The following TBC1D8 variants were observed in gnomAD, a reference collection of about 807,000 sequenced individuals.
TBC1D8 encodes BUB2-like protein 1.
A neutral mutation model predicts 118.8 loss-of-function variants in TBC1D8; 65 were observed. The observed-to-expected ratio is 0.55, with a 90% CI of 0.45 to 0.67. The LOEUF is 0.67. Ranked by LOEUF, TBC1D8 falls within the 30% of genes least tolerant of loss-of-function variation. The pLI, the probability that TBC1D8 is intolerant of heterozygous loss-of-function variation, is 0.00. For missense variants in TBC1D8, 1,376 were observed against 1,471.2 expected (o/e 0.94, Z 1.06); for synonymous variants, 566 against 595.8 (o/e 0.95, Z 0.73).
chr2:101,022,472 G>A lies in TBC1D8; in HGVS notation c.2570C>T (p.Ser857Leu), dbSNP rs529256836. ...CYWEQPRPMA[S>L]RHDPSRPYAE... Reference sequence around the variant, plus strand: ...ATAGGGCCGGCTGGGGTCGTGGCGTGAGGCCATGGGCCTGGGCTGCTCCCA... The same window carrying A: ...ATAGGGCCGGCTGGGGTCGTGGCGTAAGGCCATGGGCCTGGGCTGCTCCCA... The change falls in exon 16 of 20, where the codon TCA (serine) becomes TTA (leucine). Residue 857 changes from serine (S) to leucine (L), a missense_variant. By Grantham distance (145) the Ser-to-Leu change is moderately radical (BLOSUM62 -2). Coordinates refer to ENST00000409318, the MANE Select transcript of TBC1D8 (RefSeq NM_001330348.2). 8.3e-5 allele frequency: 134 copies of A among 1,607,524 alleles called. No individual in the cohort carries two copies. The East Asian group carries it at 2.8e-3, about 33-fold the overall frequency.
chr2:101,129,616 G>A (rs1678499548), intron 1 of TBC1D8, among the ~76,000 whole-genome samples: 1 of 152,070 alleles, frequency 6.6e-6, no homozygotes, highest in African/African-American at 2.4e-5. Context: ...TTGCTAGAAA[G>A]GGCTAGCCCA....
chr2:101,089,924 T>A (rs201797330), intron 2 of TBC1D8, among the ~76,000 whole-genome samples: 2,222 of 115,984 alleles, frequency 0.019, 59 homozygotes, highest in African/African-American at 0.057. Flanking sequence ...TCGATGGTTT[T>A]TAAAAAAAAA....
chr2:101,107,454 A>AT (rs1461513120), intron 1 of TBC1D8, among the ~76,000 whole-genome samples: 4 of 152,116 alleles, frequency 2.6e-5, no homozygotes, highest in Non-Finnish European at 4.4e-5. Flanking sequence ...GAAAAAAAAA[A>AT]GGCAGAGGAA....
intron 1 of TBC1D8, among the ~76,000 whole-genome samples, chr2:101,123,943 CAG>C (rs1259929122): frequency 6.6e-6 from 1 of 152,112 alleles, no homozygotes; most frequent in East Asian, 1.9e-4. Flanking sequence ...TGAAACTCAC[CAG>C]AGTTTTATTA....
intron 7 of TBC1D8, 22 bp downstream of exon 7, chr2:101,038,439 T>A (rs1438790711): frequency 6.2e-7 from 1 of 1,605,246 alleles, no homozygotes; most frequent in South Asian, 1.1e-5. Flanking sequence ...AAGGGGATCA[T>A]CAGGGTCTGG....
At chr2:101,089,882 A>G (rs1004361520) in intron 2 of TBC1D8, among the ~76,000 whole-genome samples, 3 of 150,060 alleles carry the variant, frequency 2.0e-5, no homozygotes, top group Admixed American at 6.7e-5. Context: ...TGCCCAAGCT[A>G]TGCTGCCCAA....
At chr2:101,054,667 CTTTTCTT>C (rs1682294323) in intron 3 of TBC1D8, among the ~76,000 whole-genome samples, 2 of 21,306 alleles carry the variant, frequency 9.4e-5, no homozygotes, top group Non-Finnish European at 1.8e-4. Context: ...ATTTTCTTTT[CTTTTCTT>C]TTTTTTTTTT....
intron 10 of TBC1D8, 149 bp from the exon 11 acceptor site, chr2:101,032,534 G>T: frequency 1.6e-6 from 1 of 625,326 alleles, no homozygotes; most frequent in Non-Finnish European, 2.8e-6. Context: ...ACTGTACAGT[G>T]GAATGACCGT....
chr2:101,115,913 G>A (rs1677797868), intron 1 of TBC1D8, among the ~76,000 whole-genome samples: 4 of 152,160 alleles, frequency 2.6e-5, no homozygotes, highest in African/African-American at 9.7e-5. Context: ...CAGCCACCAG[G>A]AGAAATGGGG....
In TBC1D8 at chr2:101,090,330, A is replaced by C; in HGVS notation, c.162T>G (p.Asp54Glu). The C allele has an allele frequency of 1.2e-6, 2 of 1,614,018 alleles. No individual in the cohort carries two copies. Among genetic ancestry groups the C allele is most frequent in the Non-Finnish European group, 1.7e-6 (2 of 1,179,886 alleles). ...RLVGALDAVL[D>E]SNARVAPFRI... ...GAAATGGAGCGACCCGTGCATTGGAATCCAACACTGCATCCAGAGCGCCGA... is the reference window on the plus strand; with the variant it reads ...GAAATGGAGCGACCCGTGCATTGGACTCCAACACTGCATCCAGAGCGCCGA... The change falls in exon 2 of 20, where the codon GAT (aspartate) becomes GAG (glutamate). Residue 54 changes from aspartate (D) to glutamate (E), a missense_variant. Asp to Glu is a conservative substitution (Grantham distance 45). Coordinates refer to ENST00000409318, the MANE Select transcript of TBC1D8 (RefSeq NM_001330348.2).
At chr2:101,050,748 G>A (rs935962750) in intron 4 of TBC1D8, 107 bp from the exon 5 acceptor site, 3 of 1,400,340 alleles carry the variant, frequency 2.1e-6, no homozygotes, top group Non-Finnish European at 2.9e-6. Context: ...ATGTGTAAAT[G>A]CCTTTTTAAA....
intron 1 of TBC1D8, among the ~76,000 whole-genome samples, chr2:101,131,524 C>A (rs1052529365): frequency 2.0e-5 from 3 of 150,548 alleles, no homozygotes; most frequent in African/African-American, 7.3e-5. Context: ...AAAAAAAAAA[C>A]AAGGTTCTGG....
intron 1 of TBC1D8, among the ~76,000 whole-genome samples, chr2:101,148,985 C>T (rs190855157): frequency 6.6e-6 from 1 of 152,186 alleles, no homozygotes; most frequent in African/African-American, 2.4e-5. Context: ...CAGCCCCCCA[C>T]AGCACACGTG....
At chr2:101,105,588 A>C (rs1330769340) in intron 1 of TBC1D8, among the ~76,000 whole-genome samples, 2 of 123,746 alleles carry the variant, frequency 1.6e-5, no homozygotes, top group Admixed American at 8.4e-5. Flanking sequence ...ACTCTGTCTC[A>C]AATTAAAAAA....
chr2:101,144,780 T>C (rs1679253423), intron 1 of TBC1D8, among the ~76,000 whole-genome samples: 1 of 151,764 alleles, frequency 6.6e-6, no homozygotes, highest in African/African-American at 2.4e-5. Context: ...TCTACTAAAA[T>C]ACAAAAAATT....
chr2:101,120,398 G>C (rs1678047339), intron 1 of TBC1D8, among the ~76,000 whole-genome samples: 1 of 152,180 alleles, frequency 6.6e-6, no homozygotes, highest in Admixed American at 6.5e-5. Flanking sequence ...AAATCCCAAT[G>C]TTAGAGATGC....
At chr2:101,136,210 C>A (rs1236845726) in intron 1 of TBC1D8, among the ~76,000 whole-genome samples, 1 of 151,532 alleles carries the variant, frequency 6.6e-6, no homozygotes, top group Non-Finnish European at 1.5e-5. Flanking sequence ...GTGTTTGGGC[C>A]ATGGGGGTGG....
At chr2:101,040,496 G>T in intron 5 of TBC1D8, 111 bp from the exon 6 acceptor site, 1 of 1,118,796 alleles carries the variant, frequency 8.9e-7, no homozygotes, top group Non-Finnish European at 1.3e-6. Context: ...TTGAGACAGA[G>T]TCTCGCTCTG....
intron 1 of TBC1D8, among the ~76,000 whole-genome samples, chr2:101,100,426 G>A (rs1304834332): frequency 6.6e-6 from 1 of 152,068 alleles, no homozygotes; most frequent in African/African-American, 2.4e-5. Context: ...TTGTGAAAAT[G>A]GCCATACTGC....
Sources: gnomAD v4.1 joint callset for allele counts (sites outside exome capture counted in the v4.1 genomes callset) on GRCh38, gnomAD v4.1.1 for gene constraint, MANE v1.5 for transcripts, NCBI Gene and HGNC (gene_info 2026-07-23, HGNC 2026-07-21) for gene names.